Variants in PDZD2 observed in about 807,000 individuals in gnomAD.
PDZD2 encodes the protein PDZ domain-containing protein 2.
PDZD2 carries 90 observed loss-of-function variants against 220.7 expected under a neutral mutation model. The ratio of observed to expected loss-of-function variants is 0.41; its 90% CI spans 0.34 to 0.49. The LOEUF is 0.49. Among genes scored for constraint, PDZD2 ranks in the 20% least tolerant of loss-of-function variants. The probability of loss-of-function intolerance (pLI) is 0.28; values close to 1 mark genes in which losing one functional copy is unlikely to be tolerated. For missense variants in PDZD2, 3,174 were observed against 3,608.5 expected (o/e 0.88, Z 3.08); for synonymous variants, 1,375 against 1,450.5 (o/e 0.95, Z 1.18).
At chr5:31,682,702 TGTGTGTGTGTG>T (rs2150123953) in intron 1 of PDZD2, among the ~76,000 whole-genome samples, 1 of 151,016 alleles carries the variant, frequency 6.6e-6, no homozygotes, top group Non-Finnish European at 1.5e-5. Context: ...TGTGTGTGTG[TGTGTGTGTGTG>T]TGTGTGTACA....
At chr5:31,806,658 T>A (rs191749075) in intron 2 of PDZD2, among the ~76,000 whole-genome samples, 1 of 152,354 alleles carries the variant, frequency 6.6e-6, no homozygotes, top group African/African-American at 2.4e-5. Context: ...CTTTCTGGAA[T>A]GTTCTACTTA....
At chr5:31,767,798 C>G (rs1752114547) in intron 1 of PDZD2, among the ~76,000 whole-genome samples, 1 of 152,234 alleles carries the variant, frequency 6.6e-6, no homozygotes, top group Non-Finnish European at 1.5e-5. Flanking sequence ...TGGCCTGTCC[C>G]TAGTCTCTCC....
chr5:32,003,163 CACACCACACACCAT>C (rs879670523), intron 5 of PDZD2, among the ~76,000 whole-genome samples: 4,477 of 104,700 alleles, frequency 0.043, 172 homozygotes, highest in East Asian at 0.088. Flanking sequence ...CACCAACACA[CACACCACACACCAT>C]ACACCACACA....
At position 32,088,980 on chromosome 5, in the gene PDZD2, C is replaced by G; in HGVS notation, c.5532C>G (p.Gly1844=). The change falls in exon 20 of 25, where the codon GGC becomes GGG. Residue 1844 remains glycine, a synonymous_variant. Transcript: ENST00000438447. The surrounding 1 kb of genome is among the most constrained non-coding windows in gnomAD (Gnocchi z 4.6). ...IQMVSSSQKK[G]VTVPHSPPQP... The stretch of plus-strand genomic sequence containing the variant: ...TGGTGAGTTCAAGCCAAAAAAAGGG[C>G]GTTACTGTGCCTCATAGCCCTCCTC... 1 of 1,613,958 alleles carries G rather than the reference C, an allele frequency of 6.2e-7. No homozygotes were observed. The highest frequency in any genetic ancestry group is 8.5e-7 in the Non-Finnish European group (1 of 1,180,010).
At chr5:32,003,382 C>T (rs1342215681) in intron 5 of PDZD2, among the ~76,000 whole-genome samples, 1 of 68,186 alleles carries the variant, frequency 1.5e-5, no homozygotes, top group South Asian at 6.4e-4. Flanking sequence ...ACCACACACA[C>T]ACCCACACAC....
intron 1 of PDZD2, chr5:31,741,978 A>G (rs1339940015): frequency 1.3e-5 from 2 of 152,244 alleles, no homozygotes; most frequent in Non-Finnish European, 2.9e-5. Context: ...AGAAAACTGC[A>G]TAGTGGAGGT....
At chr5:31,643,654 G>T (rs2150102051) in intron 1 of PDZD2, among the ~76,000 whole-genome samples, 1 of 152,198 alleles carries the variant, frequency 6.6e-6, no homozygotes. Context: ...GGCTGAGGAA[G>T]AATTAAAAAT....
intron 2 of PDZD2, among the ~76,000 whole-genome samples, chr5:31,981,262 G>T (rs4867098): frequency 0.62 from 94,443 of 151,890 alleles, 29,717 homozygotes; most frequent in East Asian, 0.79. Context: ...CACCTTTTTT[G>T]TTGTTGTTGT....
At chr5:31,823,866 C>T (rs1186922175) in intron 2 of PDZD2, among the ~76,000 whole-genome samples, 1 of 152,200 alleles carries the variant, frequency 6.6e-6, no homozygotes, top group African/African-American at 2.4e-5. Context: ...CAGTTTCTTC[C>T]ATTCTGGATT....
intron 1 of PDZD2, among the ~76,000 whole-genome samples, chr5:31,697,157 A>C (rs1034710810): frequency 2.0e-5 from 3 of 152,214 alleles, no homozygotes; most frequent in African/African-American, 7.2e-5. Flanking sequence ...CACTGTAGAA[A>C]GTTTAGAAAA....
intron 6 of PDZD2, among the ~76,000 whole-genome samples, chr5:32,015,819 T>TGAC (rs56167769): frequency 3.9e-5 from 2 of 50,812 alleles, no homozygotes; most frequent in Non-Finnish European, 6.8e-5. Flanking sequence ...ACTTATTAAG[T>TGAC]TGGAGCCTGT....
chr5:31,656,643 T>A (rs1265404074), intron 1 of PDZD2, among the ~76,000 whole-genome samples: 1 of 152,218 alleles, frequency 6.6e-6, no homozygotes. Flanking sequence ...CATTCTCATT[T>A]TATGATTTTT....
intron 2 of PDZD2, among the ~76,000 whole-genome samples, chr5:31,803,691 C>T (rs745961524): frequency 3.3e-5 from 5 of 151,842 alleles, no homozygotes; most frequent in Non-Finnish European, 7.4e-5. Flanking sequence ...ATCAGCCACC[C>T]CTGGGAGGGG....
chr5:31,738,582 A>G (rs1750047921), intron 1 of PDZD2: 3 of 152,192 alleles, frequency 2.0e-5, no homozygotes, highest in African/African-American at 7.2e-5. Flanking sequence ...ATCTTGACTT[A>G]TATGATGGGG....
At chr5:31,871,135 T>C (rs1048342720) in intron 2 of PDZD2, among the ~76,000 whole-genome samples, 7 of 152,182 alleles carry the variant, frequency 4.6e-5, no homozygotes, top group African/African-American at 1.4e-4. Flanking sequence ...ATGTATATAA[T>C]ATACAAGTGT....
intron 1 of PDZD2, among the ~76,000 whole-genome samples, chr5:31,784,848 A>G (rs919889167): frequency 6.6e-6 from 1 of 152,114 alleles, no homozygotes; most frequent in African/African-American, 2.4e-5. Flanking sequence ...TGGAGGTTGC[A>G]GTGAGCCGAG....
At chr5:32,069,481 A>T (rs1291455602) in intron 14 of PDZD2, 88 bp from the exon 15 acceptor site, 1 of 775,704 alleles carries the variant, frequency 1.3e-6, no homozygotes, top group Non-Finnish European at 2.3e-6. Context: ...CTTTATCTGC[A>T]CTTGACTCTG....
chr5:31,964,331 G>T (rs1330886545), intron 2 of PDZD2, among the ~76,000 whole-genome samples: 3 of 152,238 alleles, frequency 2.0e-5, no homozygotes, highest in African/African-American at 7.2e-5. Context: ...GAGCCTGAGG[G>T]ACTCATCTCT....
At chr5:31,811,828 A>G (rs1326782074) in intron 2 of PDZD2, among the ~76,000 whole-genome samples, 2 of 151,854 alleles carry the variant, frequency 1.3e-5, no homozygotes, top group Non-Finnish European at 2.9e-5. Context: ...CATCTCTACT[A>G]AAAATACAAA....
Sources: allele counts gnomAD v4.1 joint callset (sites outside exome capture counted in the v4.1 genomes callset), GRCh38; gene constraint gnomAD v4.1.1; non-coding constraint Gnocchi (gnomAD v3.1); transcripts MANE v1.5; gene names NCBI Gene and HGNC (gene_info 2026-07-23, HGNC 2026-07-21).